The following NACC1 variants were observed in gnomAD, a reference collection of about 807,000 sequenced individuals.
The protein encoded by NACC1 is nucleus accumbens-associated protein 1.
In NACC1, 6 loss-of-function variants were observed where a neutral mutation model predicts 41.7. The observed-to-expected ratio is 0.14, with a 90% CI of 0.08 to 0.28. The LOEUF is 0.28. Ranked by LOEUF, NACC1 falls within the 10% of genes least tolerant of loss-of-function variation. NACC1 has a pLI of 1.00. For missense variants in NACC1, 434 were observed against 763.7 expected (o/e 0.57, Z 5.09); for synonymous variants, 338 against 330.6 (o/e 1.02, Z -0.24).
intron 1 of NACC1, among the ~76,000 whole-genome samples, chr19:13,134,784 C>A (rs2019677815): frequency 6.6e-6 from 1 of 152,260 alleles, no homozygotes; most frequent in Admixed American, 6.5e-5. Context: ...CTGGCATTTC[C>A]ATGCCAGTAC....
intron 1 of NACC1, among the ~76,000 whole-genome samples, chr19:13,120,047 C>T (rs945900205): frequency 3.9e-5 from 6 of 152,190 alleles, no homozygotes; most frequent in African/African-American, 1.4e-4. Flanking sequence ...TTCTGGATTC[C>T]CTGGCGGGCG....
chr19:13,138,569 A>AG lies in NACC1; in HGVS notation c.*164dup. 10 of 1,111,556 alleles carry AG rather than the reference A, an allele frequency of 9.0e-6. No individual in the cohort carries two copies. The highest frequency in any genetic ancestry group is 1.3e-5 in the Non-Finnish European group (10 of 796,894). 68.9% of individuals were successfully genotyped at this position (1,111,556 alleles called of 1,614,324 possible). A position where few individuals can be genotyped will look rare whatever the true frequency, so the allele number is the denominator to read the frequency against. ...TGTCCTACCCCCTTTCCCCACCGAG[A>AG]GCTGGGCCGGGAGAGGACCGCAGGG... On this transcript the variant is annotated 3_prime_UTR_variant, in exon 6 of 6. Transcript: ENST00000292431. This position sits in a 1 kb window ranked among gnomAD's most constrained non-coding sequence, Gnocchi z 5.7.
rs202081230 is a variant in NACC1, at chr19:13,137,231, T to C, written c.1121-40T>C. 3.6e-5 allele frequency: 58 copies of C among 1,596,236 alleles called. No homozygotes were observed. The African/African-American group carries it at 7.2e-4, about 20-fold the overall frequency. ...TGGTATCATGGGGGCTGTGGCGGTT[T>C]GGGGGCACCCCAGGCCATCCTCCGG... On this transcript the variant is annotated intron_variant, in intron 3 of 5. Coordinates refer to ENST00000292431, the MANE Select transcript of NACC1 (RefSeq NM_052876.4). This position sits in a 1 kb window ranked among gnomAD's most constrained non-coding sequence, Gnocchi z 6.1.
At chr19:13,122,660 A>G (rs1279273196) in intron 1 of NACC1, among the ~76,000 whole-genome samples, 1 of 151,948 alleles carries the variant, frequency 6.6e-6, no homozygotes, top group Non-Finnish European at 1.5e-5. Context: ...GGGAATCTCC[A>G]CTGTCTGGTT....
At chr19:13,134,852 C>T (rs1186221568) in intron 1 of NACC1, among the ~76,000 whole-genome samples, 3 of 152,216 alleles carry the variant, frequency 2.0e-5, no homozygotes, top group Non-Finnish European at 4.4e-5. Flanking sequence ...TCAGAGGTAG[C>T]ACACTGTGTC....
chr19:13,120,174 C>T (rs564718470), intron 1 of NACC1, among the ~76,000 whole-genome samples: 7 of 152,224 alleles, frequency 4.6e-5, no homozygotes, highest in South Asian at 4.2e-4. Flanking sequence ...GTATCTTTCT[C>T]GGAGGCCTGG....
Position 13,141,018 on chromosome 19 carries a change from C to A in NACC1, c.*2612C>A. 6.6e-6 allele frequency: 1 copy of A among 152,576 alleles called. No homozygotes were observed. The highest frequency in any genetic ancestry group is 1.5e-5 in the Non-Finnish European group (1 of 68,020). The allele number at this position is 152,576 out of a possible 1,614,324, so 9.5% of individuals were successfully genotyped here. On this transcript the variant is annotated 3_prime_UTR_variant, in exon 6 of 6. Coordinates refer to ENST00000292431, the MANE Select transcript of NACC1 (RefSeq NM_052876.4). The stretch of plus-strand genomic sequence containing the variant: ...CCCTCCCCACCCTGGGCCGAGCCCC[C>A]ACCCCTCCCTGGGCCCCCAAGTGAG...
chr19:13,135,092 C>T, intron 1 of NACC1, 108 bp from the exon 2 acceptor site: 3 of 1,438,574 alleles, frequency 2.1e-6, no homozygotes, highest in Non-Finnish European at 2.7e-6. Flanking sequence ...GCGGATGTCC[C>T]TCCAGCAGGG....
intron 1 of NACC1, among the ~76,000 whole-genome samples, chr19:13,118,873 G>T (rs1286406154): frequency 6.7e-6 from 1 of 149,664 alleles, no homozygotes; most frequent in South Asian, 2.2e-4. Flanking sequence ...CGGCCGGAGG[G>T]GGGCGGGGAG....
rs563475675 is a variant in NACC1 at position 13,128,355 on chromosome 19, G to A, written c.-8-6845G>A. Among the ~76,000 whole-genome samples the A allele has an allele frequency of 3.3e-5, 5 of 152,280 alleles. No homozygotes were observed. The East Asian group carries it at 7.7e-4, about 24-fold the overall frequency. On this transcript the variant is annotated intron_variant, in intron 1 of 5. Coordinates refer to ENST00000292431, the MANE Select transcript of NACC1 (RefSeq NM_052876.4). Reference sequence around the variant, plus strand: ...TGGCAGTCTAGATGAGAGTGCCAGCGTGGTCAGGTTCTGGTGAGGGCTCTC... The same window carrying A: ...TGGCAGTCTAGATGAGAGTGCCAGCATGGTCAGGTTCTGGTGAGGGCTCTC...
intron 1 of NACC1, among the ~76,000 whole-genome samples, chr19:13,134,814 T>C (rs1599997063): frequency 6.6e-6 from 1 of 152,358 alleles, no homozygotes; most frequent in African/African-American, 2.4e-5. Flanking sequence ...ATACCATATA[T>C]GTACCTGGTG....
rs542592486 is a variant in NACC1 at position 13,126,937 on chromosome 19, C to CA, written c.-8-8257dup. ...CCCCAGGGAAACTGACATGAAGCCC[C>CA]AAAAAATGCCCAGTTTGGCAGGGGT... On this transcript the variant is annotated intron_variant, in intron 1 of 5. Transcript: ENST00000292431. Among the ~76,000 whole-genome samples, 186 of 152,058 alleles carry CA rather than the reference C, an allele frequency of 1.2e-3. 3 individuals carry two copies. The South Asian group carries it at 0.037, about 30-fold the overall frequency.
Position 13,137,209 on chromosome 19 carries a change from T to G in NACC1, c.1121-62T>G. On this transcript the variant is annotated intron_variant, in intron 3 of 5. Coordinates refer to ENST00000292431, the MANE Select transcript of NACC1 (RefSeq NM_052876.4). This position sits in a 1 kb window ranked among gnomAD's most constrained non-coding sequence, Gnocchi z 6.1. ...TGGGGTGTTCTGAGATGAGGCCTGG[T>G]ATCATGGGGGCTGTGGCGGTTTGGG... 6.6e-7 allele frequency: 1 copy of G among 1,510,012 alleles called. No homozygotes were observed. The highest frequency in any genetic ancestry group is 9.2e-7 in the Non-Finnish European group (1 of 1,088,630). 93.5% of individuals were successfully genotyped at this position (1,510,012 alleles called of 1,614,324 possible).
In NACC1 at chr19:13,140,912, C is replaced by T. The variant is rs1387204045; in HGVS notation, c.*2506C>T. 1 of 152,634 alleles carries T rather than the reference C, an allele frequency of 6.6e-6. No individual in the cohort carries two copies. The highest frequency in any genetic ancestry group is 1.5e-5 in the Non-Finnish European group (1 of 68,102). The allele number at this position is 152,634 out of a possible 1,614,324, so 9.5% of individuals were successfully genotyped here. Reference sequence around the variant, plus strand: ...ACTGTGGGGCCCTCCCCTGCCAACTCCCCTTCCCTGGCCGCCCACTCAACC... The same window carrying T: ...ACTGTGGGGCCCTCCCCTGCCAACTTCCCTTCCCTGGCCGCCCACTCAACC... On this transcript the variant is annotated 3_prime_UTR_variant, in exon 6 of 6. Coordinates refer to ENST00000292431, the MANE Select transcript of NACC1 (RefSeq NM_052876.4). The surrounding 1 kb of genome is among the most constrained non-coding windows in gnomAD (Gnocchi z 4.0).
Position 13,138,459 on chromosome 19 carries a change from A to C in NACC1, c.*53A>C, listed in dbSNP as rs1258270807. 1 of 1,579,374 alleles carries C rather than the reference A, an allele frequency of 6.3e-7. No homozygotes were observed. The highest frequency in any genetic ancestry group is 1.7e-5 in the Admixed American group (1 of 59,126). On this transcript the variant is annotated 3_prime_UTR_variant, in exon 6 of 6. Transcript: ENST00000292431. This position sits in a 1 kb window ranked among gnomAD's most constrained non-coding sequence, Gnocchi z 5.7. Reference sequence around the variant, plus strand: ...ACTTCCCCTCCCAACACACACACACACCTGCCATCTTGGTCATGAGCTACT... The same window carrying C: ...ACTTCCCCTCCCAACACACACACACCCCTGCCATCTTGGTCATGAGCTACT...
chr19:13,141,023 C>A lies in NACC1; in HGVS notation c.*2617C>A, dbSNP rs1343011519. On this transcript the variant is annotated 3_prime_UTR_variant, in exon 6 of 6. Coordinates refer to ENST00000292431, the MANE Select transcript of NACC1 (RefSeq NM_052876.4). ...CCCACCCTGGGCCGAGCCCCCACCC[C>A]TCCCTGGGCCCCCAAGTGAGATTGC... The A allele has an allele frequency of 1.3e-5, 2 of 152,600 alleles. No individual in the cohort carries two copies. The highest frequency in any genetic ancestry group is 4.8e-5 in the African/African-American group (2 of 41,426). The allele number at this position is 152,600 out of a possible 1,614,324, so 9.5% of individuals were successfully genotyped here. A position where few individuals can be genotyped will look rare whatever the true frequency, so the allele number is the denominator to read the frequency against.
chr19:13,129,791 G>C (rs932572655), intron 1 of NACC1, among the ~76,000 whole-genome samples: 1 of 152,042 alleles, frequency 6.6e-6, no homozygotes, highest in Non-Finnish European at 1.5e-5. Context: ...CTCAGGAGGG[G>C]ACCTGGGCCA....
intron 1 of NACC1, among the ~76,000 whole-genome samples, chr19:13,127,028 A>G (rs943428962): frequency 2.6e-5 from 4 of 152,090 alleles, no homozygotes; most frequent in Non-Finnish European, 5.9e-5. Flanking sequence ...TGAGCCCAGG[A>G]GTTTGAGACC....
chr19:13,119,529 C>A (rs1420013273), intron 1 of NACC1, among the ~76,000 whole-genome samples: 1 of 152,102 alleles, frequency 6.6e-6, no homozygotes, highest in East Asian at 1.9e-4. Context: ...CCTTTTGTGG[C>A]CAGAAGCTGG....
Sources: gnomAD v4.1 joint callset for allele counts (sites outside exome capture counted in the v4.1 genomes callset) on GRCh38, gnomAD v4.1.1 for gene constraint, Gnocchi (gnomAD v3.1) non-coding constraint, MANE v1.5 for transcripts, NCBI Gene and HGNC (gene_info 2026-07-23, HGNC 2026-07-21) for gene names.